Variants in SLC4A10 observed in about 807,000 individuals in gnomAD.
SLC4A10 encodes solute carrier family 4 member 10.
A neutral mutation model predicts 137.7 loss-of-function variants in SLC4A10; 42 were observed. The observed-to-expected ratio is 0.30, with a 90% CI of 0.24 to 0.39. The LOEUF (loss-of-function observed/expected upper bound fraction) is 0.39, where lower values mean the gene tolerates loss of function less well. SLC4A10 is among the 10% of genes least tolerant of loss of function. The pLI is 1.00. For missense variants in SLC4A10, 925 were observed against 1,355.0 expected (o/e 0.68, Z 4.98); for synonymous variants, 474 against 464.1 (o/e 1.02, Z -0.27).
At chr2:161,929,978 A>G (rs1690020732) in intron 15 of SLC4A10, among the ~76,000 whole-genome samples, 1 of 152,150 alleles carries the variant, frequency 6.6e-6, no homozygotes, top group Non-Finnish European at 1.5e-5. Context: ...ATAATTTGGG[A>G]CACTATATAA....
At chr2:161,661,377 A>G (rs1425724930) in intron 1 of SLC4A10, among the ~76,000 whole-genome samples, 5 of 152,240 alleles carry the variant, frequency 3.3e-5, no homozygotes, top group Non-Finnish European at 7.3e-5. Context: ...CTGGAGGCTG[A>G]GGCAGGAGAA....
At chr2:161,870,313 A>T (rs1032418966) in intron 6 of SLC4A10, among the ~76,000 whole-genome samples, 1 of 151,680 alleles carries the variant, frequency 6.6e-6, no homozygotes, top group Non-Finnish European at 1.5e-5. Context: ...TAAGTTCCGC[A>T]TATTTTCTAT....
chr2:161,724,797 G>T (rs1236502834), intron 1 of SLC4A10, among the ~76,000 whole-genome samples: 1 of 152,042 alleles, frequency 6.6e-6, no homozygotes, highest in Non-Finnish European at 1.5e-5. Context: ...TTTACATTAA[G>T]TAGCACTTCC....
intron 1 of SLC4A10, among the ~76,000 whole-genome samples, chr2:161,767,178 ATGTGTGTGTGTG>A (rs71009338): frequency 1.1e-4 from 11 of 95,948 alleles, no homozygotes; most frequent in South Asian, 3.9e-4. Context: ...ATTTATATAT[ATGTGTGTGTGTG>A]TGTGTGTGTG....
chr2:161,860,447 G>A (rs1575329372), intron 5 of SLC4A10, among the ~76,000 whole-genome samples: 1 of 152,012 alleles, frequency 6.6e-6, no homozygotes, highest in Non-Finnish European at 1.5e-5. Context: ...TCATATCATG[G>A]CTTATATTTG....
intron 1 of SLC4A10, among the ~76,000 whole-genome samples, chr2:161,639,896 G>A (rs1302150562): frequency 6.6e-6 from 1 of 152,114 alleles, no homozygotes; most frequent in African/African-American, 2.4e-5. Context: ...CCAAAAAACT[G>A]TTAGAGCTAG....
chr2:161,727,462 G>T (rs201637445), intron 1 of SLC4A10, among the ~76,000 whole-genome samples: 2 of 152,286 alleles, frequency 1.3e-5, no homozygotes, highest in South Asian at 2.1e-4. Flanking sequence ...CAACATAAAA[G>T]ATAGAAGCCA....
intron 1 of SLC4A10, chr2:161,708,875 T>G (rs1219166225): frequency 3.3e-6 from 5 of 1,500,426 alleles, no homozygotes; most frequent in Non-Finnish European, 4.4e-6. Context: ...TGTAGGGTGC[T>G]TGCTTTTTCT....
intron 1 of SLC4A10, among the ~76,000 whole-genome samples, chr2:161,762,405 C>CGAGCT (rs2050346209): frequency 6.6e-6 from 1 of 152,004 alleles, no homozygotes; most frequent in East Asian, 1.9e-4. Context: ...CAGCAGTCTC[C>CGAGCT]GAGCTGATAC....
intron 1 of SLC4A10, among the ~76,000 whole-genome samples, chr2:161,708,106 G>C (rs1219131081): frequency 6.6e-6 from 1 of 151,168 alleles, no homozygotes; most frequent in Non-Finnish European, 1.5e-5. Flanking sequence ...TGAAATTCCT[G>C]AAAATTAAAG....
intron 1 of SLC4A10, among the ~76,000 whole-genome samples, chr2:161,685,236 C>A (rs2041256792): frequency 6.6e-6 from 1 of 152,090 alleles, no homozygotes; most frequent in Non-Finnish European, 1.5e-5. Context: ...ATGCTCTAGA[C>A]CCTGGGCTAA....
At chr2:161,903,884 G>A (rs1214618760) in intron 12 of SLC4A10, 120 bp from the exon 13 acceptor site, 3 of 961,514 alleles carry the variant, frequency 3.1e-6, no homozygotes, top group Non-Finnish European at 4.6e-6. Context: ...AGGTTAATGT[G>A]TGTCTCACCT....
chr2:161,644,068 C>CTTTTTTTTTTTTTTTTTTTTTTTTTTT (rs5835873), intron 1 of SLC4A10, among the ~76,000 whole-genome samples: 1 of 143,732 alleles, frequency 7.0e-6, no homozygotes, highest in Non-Finnish European at 1.5e-5. Context: ...GGCTTCTAAT[C>CTTTTTTTTTTTTTTTTTTTTTTTTTTT]TTTTTTTTTT....
chr2:161,670,592 T>A (rs10187965), intron 1 of SLC4A10, among the ~76,000 whole-genome samples: 4,965 of 152,084 alleles, frequency 0.033, 272 homozygotes, highest in African/African-American at 0.11. Flanking sequence ...ACTAACAAGG[T>A]ATTTATTATG....
At chr2:161,924,855 G>C (rs1361933892) in intron 15 of SLC4A10, among the ~76,000 whole-genome samples, 1 of 152,154 alleles carries the variant, frequency 6.6e-6, no homozygotes, top group Non-Finnish European at 1.5e-5. Flanking sequence ...CCATGTTCTT[G>C]AGGGAGTAGT....
At chr2:161,972,066 C>T (rs1247856831) in intron 23 of SLC4A10, among the ~76,000 whole-genome samples, 1 of 152,180 alleles carries the variant, frequency 6.6e-6, no homozygotes, top group Non-Finnish European at 1.5e-5. Flanking sequence ...TTCTTCTCTT[C>T]AGCTTTTTTG....
intron 15 of SLC4A10, among the ~76,000 whole-genome samples, chr2:161,933,513 C>T (rs1690997144): frequency 6.6e-6 from 1 of 152,026 alleles, no homozygotes; most frequent in Admixed American, 6.6e-5. Context: ...CTGCCTCAGC[C>T]TCCCGAGTAA....
intron 1 of SLC4A10, among the ~76,000 whole-genome samples, chr2:161,635,273 T>C (rs772505213): frequency 6.6e-6 from 1 of 152,052 alleles, no homozygotes; most frequent in Non-Finnish European, 1.5e-5. Flanking sequence ...ATTGCCCTTG[T>C]TTGATGAGAG....
At chr2:161,754,388 T>C (rs1269304283) in intron 1 of SLC4A10, among the ~76,000 whole-genome samples, 1 of 152,136 alleles carries the variant, frequency 6.6e-6, no homozygotes, top group Non-Finnish European at 1.5e-5. Flanking sequence ...TTAGGAACCA[T>C]GAACAACAAA....
Sources: allele counts gnomAD v4.1 joint callset (sites outside exome capture counted in the v4.1 genomes callset), GRCh38; gene constraint gnomAD v4.1.1; transcripts MANE v1.5; gene names NCBI Gene and HGNC (gene_info 2026-07-23, HGNC 2026-07-21).